ZNF431: variants seen among roughly 807,000 people sequenced by gnomAD.
ZNF431 encodes the protein zinc finger protein 431.
A neutral mutation model predicts 57.0 loss-of-function variants in ZNF431; 34 were observed. The observed-to-expected ratio is 0.60, with a 90% CI of 0.45 to 0.79. The LOEUF is 0.79. ZNF431 is among the 30% of genes least tolerant of loss of function. The pLI is 0.00. For synonymous variants in ZNF431, 207 were observed against 220.3 expected (o/e 0.94, Z 0.54); for missense variants, 607 against 667.1 (o/e 0.91, Z 0.99).
Position 21,142,067 on chromosome 19 carries a change from T to G in ZNF431, c.-117T>G, listed in dbSNP as rs1969952056. The G allele has an allele frequency of 2.9e-6, 4 of 1,371,260 alleles. No homozygotes were observed. The highest frequency in any genetic ancestry group is 4.1e-6 in the Non-Finnish European group (4 of 973,340). The allele number at this position is 1,371,260 out of a possible 1,614,324, so 84.9% of individuals were successfully genotyped here. ...CTCTCGCCGCAGCCTGAGCTCCAGG[T>G]CTCCCCTTCGCTGCTCTGTGTCCTC... On this transcript the variant is annotated 5_prime_UTR_variant, in exon 1 of 5. Coordinates refer to ENST00000311048, the MANE Select transcript of ZNF431 (RefSeq NM_133473.4).
chr19:21,191,399 C>G lies in ZNF431; in HGVS notation c.*7365C>G, dbSNP rs1262360956. Reference sequence around the variant, plus strand: ...ACCCAGAGGCGGAGGTTGTAGTGAGCCAAGGTCATGCCACTGCACTCCAGC... The same window carrying G: ...ACCCAGAGGCGGAGGTTGTAGTGAGGCAAGGTCATGCCACTGCACTCCAGC... On this transcript the variant is annotated 3_prime_UTR_variant, in exon 5 of 5. Transcript: ENST00000311048. 1 of 151,914 alleles carries G rather than the reference C, an allele frequency of 6.6e-6. No homozygotes were observed. Among genetic ancestry groups the G allele is most frequent in the Non-Finnish European group, 1.5e-5 (1 of 68,018 alleles). 9.4% of individuals were successfully genotyped at this position (151,914 alleles called of 1,614,324 possible).
chr19:21,146,409 G>GA (rs59050670), intron 2 of ZNF431, among the ~76,000 whole-genome samples: 13 of 108,720 alleles, frequency 1.2e-4, no homozygotes, highest in African/African-American at 3.1e-4. Context: ...CACTCTGTCT[G>GA]AAAAAAAAAA....
At chr19:21,158,102 A>G (rs1970470791) in intron 2 of ZNF431, among the ~76,000 whole-genome samples, 1 of 152,202 alleles carries the variant, frequency 6.6e-6, no homozygotes, top group Non-Finnish European at 1.5e-5. Context: ...ATAGCATTAA[A>G]TTGGTAAATG....
intron 4 of ZNF431, among the ~76,000 whole-genome samples, chr19:21,171,713 T>TATA (rs200802874): frequency 6.6e-3 from 77 of 11,696 alleles, no homozygotes; most frequent in African/African-American, 0.021. Flanking sequence ...TATATATATA[T>TATA]TTTTTTTTTT....
intron 2 of ZNF431, chr19:21,150,130 C>T: frequency 1.6e-6 from 1 of 631,946 alleles, no homozygotes. Context: ...CTTGCTTTGT[C>T]TCTGGTCTGT....
At chr19:21,179,950 G>A (rs1971167383) in intron 4 of ZNF431, among the ~76,000 whole-genome samples, 1 of 152,130 alleles carries the variant, frequency 6.6e-6, no homozygotes, top group Non-Finnish European at 1.5e-5. Context: ...GGAGCAAGTT[G>A]TTCATTCAGG....
intron 2 of ZNF431, among the ~76,000 whole-genome samples, chr19:21,163,394 C>T (rs1194098278): frequency 1.3e-5 from 2 of 152,212 alleles, no homozygotes; most frequent in African/African-American, 2.4e-5. Context: ...CTTTCTCTAA[C>T]TACTGCTAAT....
rs928018484 is a variant in ZNF431, at chr19:21,183,643, A to G, written c.1340A>G (p.Lys447Arg). ...FNRSPQLTAH[K>R]IIHTGEKPYK... ...CGGTCCCCACAACTTACTGCACATA[A>G]GATAATTCATACTGGAGAGAAACCT... is the stretch of plus-strand genomic sequence containing the variant. Residue 447 changes from lysine to arginine, a missense_variant, in exon 5 of 5, where the codon AAG becomes AGG. Physicochemically the swap from Lys to Arg is conservative, Grantham distance 26. Coordinates refer to ENST00000311048, the MANE Select transcript of ZNF431 (RefSeq NM_133473.4). 12 of 1,613,388 alleles carry G rather than the reference A, an allele frequency of 7.4e-6. No homozygotes were observed. The highest frequency in any genetic ancestry group is 1.0e-5 in the Non-Finnish European group (12 of 1,179,952).
rs971515202 is a variant in ZNF431 at position 21,188,548 on chromosome 19, T to C, written c.*4514T>C. 5.9e-5 allele frequency: 9 copies of C among 152,206 alleles called. No individual in the cohort carries two copies. The highest frequency in any genetic ancestry group is 1.2e-4 in the Non-Finnish European group (8 of 68,030). The allele number at this position is 152,206 out of a possible 1,614,324, so 9.4% of individuals were successfully genotyped here. ...TTACAAAATAATGAAATGACTTCAG[T>C]GGATTTAAAATTTTGAAAAATAATG... On this transcript the variant is annotated 3_prime_UTR_variant, in exon 5 of 5. Coordinates refer to ENST00000311048, the MANE Select transcript of ZNF431 (RefSeq NM_133473.4).
rs535253652 is a variant in ZNF431 at position 21,195,733 on chromosome 19, A to G, written c.*11699A>G. The G allele has an allele frequency of 1.3e-5, 2 of 152,316 alleles. No individual in the cohort carries two copies. The highest frequency in any genetic ancestry group is 4.8e-5 in the African/African-American group (2 of 41,568). The allele number at this position is 152,316 out of a possible 1,614,324, so 9.4% of individuals were successfully genotyped here. A position where few individuals can be genotyped will look rare whatever the true frequency, so the allele number is the denominator to read the frequency against. ...ATCTATTAAAAACCTGTGGCAGCTC[A>G]TGGTATTATTGACCATATGTTCTAG... On this transcript the variant is annotated 3_prime_UTR_variant, in exon 5 of 5. Coordinates refer to ENST00000311048, the MANE Select transcript of ZNF431 (RefSeq NM_133473.4).
intron 1 of ZNF431, among the ~76,000 whole-genome samples, chr19:21,142,428 C>G (rs1434016753): frequency 6.6e-6 from 1 of 152,210 alleles, no homozygotes; most frequent in African/African-American, 2.4e-5. Context: ...GGAGCCCTCT[C>G]TGGGCAGCTC....
intron 4 of ZNF431, among the ~76,000 whole-genome samples, chr19:21,179,210 G>C (rs998911115): frequency 2.6e-5 from 4 of 152,076 alleles, no homozygotes; most frequent in Admixed American, 1.3e-4. Context: ...GGTCAGTGAT[G>C]ATAGCCCCTT....
At chr19:21,171,717 T>A (rs1407829868) in intron 4 of ZNF431, among the ~76,000 whole-genome samples, 2,231 of 19,598 alleles carry the variant, frequency 0.11, 49 homozygotes, top group African/African-American at 0.19. Flanking sequence ...TATATATTTT[T>A]TTTTTTTTTT....
intron 4 of ZNF431, among the ~76,000 whole-genome samples, chr19:21,169,243 G>T (rs1179509135): frequency 6.6e-6 from 1 of 151,934 alleles, no homozygotes; most frequent in Non-Finnish European, 1.5e-5. Context: ...ACTGTTTATG[G>T]TTTTTTTATA....
At chr19:21,163,810 G>C (rs1053616620) in intron 2 of ZNF431, among the ~76,000 whole-genome samples, 2 of 152,132 alleles carry the variant, frequency 1.3e-5, no homozygotes, top group African/African-American at 4.8e-5. Context: ...GTGAGTCACT[G>C]CTCCTGATCC....
rs967143100 is a variant in ZNF431, at chr19:21,195,205, A to G, written c.*11171A>G. The stretch of plus-strand genomic sequence containing the variant: ...GAATCTAACGACATGCTTAATACAA[A>G]TTATTATTAGTAGAAATGCTGAATT... On this transcript the variant is annotated 3_prime_UTR_variant, in exon 5 of 5. Transcript: ENST00000311048. The G allele has an allele frequency of 6.6e-5, 10 of 152,194 alleles. No individual in the cohort carries two copies. Among genetic ancestry groups the G allele is most frequent in the Non-Finnish European group, 1.3e-4 (9 of 68,024 alleles). 9.4% of individuals were successfully genotyped at this position (152,194 alleles called of 1,614,324 possible).
At chr19:21,180,002 C>T (rs1971168567) in intron 4 of ZNF431, among the ~76,000 whole-genome samples, 1 of 151,922 alleles carries the variant, frequency 6.6e-6, no homozygotes, top group Non-Finnish European at 1.5e-5. Context: ...GTTGTAGTTG[C>T]GGGATTTTGA....
chr19:21,152,280 G>C (rs1970295471), intron 2 of ZNF431, among the ~76,000 whole-genome samples: 1 of 152,178 alleles, frequency 6.6e-6, no homozygotes, highest in South Asian at 2.1e-4. Flanking sequence ...GGGTAGGAAG[G>C]CAAAGAGCTG....
intron 4 of ZNF431, among the ~76,000 whole-genome samples, chr19:21,180,597 A>T (rs543963121): frequency 3.7e-4 from 56 of 152,180 alleles, no homozygotes; most frequent in African/African-American, 1.1e-3. Flanking sequence ...TCTTGGGGTT[A>T]CCTTGGGGAT....
Sources: allele counts gnomAD v4.1 joint callset (sites outside exome capture counted in the v4.1 genomes callset), GRCh38; gene constraint gnomAD v4.1.1; transcripts MANE v1.5; gene names NCBI Gene and HGNC (gene_info 2026-07-23, HGNC 2026-07-21).